The following GRIN2B variants were observed in gnomAD, a reference collection of about 807,000 sequenced individuals.
GRIN2B encodes glutamate ionotropic receptor NMDA type subunit 2B, also known as glutamate receptor ionotropic, NMDA 2B.
In GRIN2B, 5 loss-of-function variants were observed where a neutral mutation model predicts 114.5. The ratio of observed to expected loss-of-function variants is 0.04; its 90% CI spans 0.02 to 0.09. GRIN2B has a LOEUF of 0.09. GRIN2B is among the 10% of genes least tolerant of loss of function. GRIN2B has a pLI of 1.00. For synonymous variants in GRIN2B, 787 were observed against 745.1 expected, an observed-to-expected ratio of 1.06 and a Z score of -0.92; for missense variants, 1,108 against 1,943.5, an observed-to-expected ratio of 0.57 and a Z score of 8.08.
At chr12:13,797,957 T>C (rs927048134) in intron 3 of GRIN2B, among the ~76,000 whole-genome samples, 3 of 152,188 alleles carry the variant, frequency 2.0e-5, no homozygotes, top group African/African-American at 7.2e-5. Context: ...CTATAATCAC[T>C]TGCAGACTTC....
intron 1 of GRIN2B, 114 bp from the exon 2 acceptor site, chr12:13,980,470 C>T (rs1863111577): frequency 6.6e-6 from 1 of 152,096 alleles, no homozygotes; most frequent in East Asian, 1.9e-4. Context: ...GAGGAAACCC[C>T]GCATTTCCCA....
rs1948237641 is a variant in GRIN2B, at chr12:13,538,473, G to A, written c.*24310C>T. ...TCAAAGCTTTCATGATATCCTACTG[G>A]AGGTTCCCACCATAATCCAGATAAA... On this transcript the variant is annotated 3_prime_UTR_variant, in exon 14 of 14. Coordinates refer to ENST00000609686, the MANE Select transcript of GRIN2B (RefSeq NM_000834.5). 6.6e-6 allele frequency: 1 copy of A among 152,080 alleles called. No homozygotes were observed. Among genetic ancestry groups the A allele is most frequent in the African/African-American group, 2.4e-5 (1 of 41,416 alleles). 9.4% of individuals were successfully genotyped at this position (152,080 alleles called of 1,614,324 possible).
intron 5 of GRIN2B, 85 bp from the exon 6 acceptor site, chr12:13,616,742 G>A (rs1949447980): frequency 1.8e-6 from 2 of 1,081,812 alleles, no homozygotes; most frequent in African/African-American, 3.1e-5. Context: ...AACAATCCCA[G>A]GAAGCAGTTG....
intron 3 of GRIN2B, among the ~76,000 whole-genome samples, chr12:13,820,763 T>C (rs1468455646): frequency 6.6e-6 from 1 of 152,298 alleles, no homozygotes; most frequent in East Asian, 1.9e-4. Flanking sequence ...AAGGAAATCC[T>C]TCCTCCTTTT....
intron 3 of GRIN2B, among the ~76,000 whole-genome samples, chr12:13,827,822 C>CTTGG (rs1865074059): frequency 2.0e-5 from 3 of 152,160 alleles, no homozygotes; most frequent in African/African-American, 7.2e-5. Context: ...GCTGGAACTA[C>CTTGG]AGGCGCATGC....
intron 2 of GRIN2B, among the ~76,000 whole-genome samples, chr12:13,917,122 G>A (rs552834692): frequency 6.6e-6 from 1 of 152,180 alleles, no homozygotes; most frequent in African/African-American, 2.4e-5. Flanking sequence ...AGACCTGCCA[G>A]TCCTTCCTGG....
intron 2 of GRIN2B, among the ~76,000 whole-genome samples, chr12:13,926,342 G>A (rs1005746668): frequency 6.6e-6 from 1 of 152,104 alleles, no homozygotes; most frequent in Non-Finnish European, 1.5e-5. Context: ...ATTGAATCTC[G>A]GGGCTATCGA....
chr12:13,646,759 G>T (rs1047205314), intron 5 of GRIN2B, among the ~76,000 whole-genome samples: 1 of 151,808 alleles, frequency 6.6e-6, no homozygotes, highest in African/African-American at 2.4e-5. Flanking sequence ...AAACTCCTGG[G>T]CTCAGACTAT....
intron 5 of GRIN2B, among the ~76,000 whole-genome samples, chr12:13,639,024 A>G (rs1047552959): frequency 6.6e-6 from 1 of 152,156 alleles, no homozygotes; most frequent in African/African-American, 2.4e-5. Flanking sequence ...AGCCCTGAGG[A>G]AGGCCTGCAT....
intron 2 of GRIN2B, among the ~76,000 whole-genome samples, chr12:13,974,467 G>A (rs373399836): frequency 1.3e-5 from 2 of 152,192 alleles, no homozygotes; most frequent in Admixed American, 6.5e-5. Context: ...GCAAATTCCT[G>A]TGTTGTTCTT....
Position 13,753,341 on chromosome 12 carries a change from A to G in GRIN2B, c.986T>C (p.Ile329Thr). 6.2e-7 allele frequency: 1 copy of G among 1,602,006 alleles called. No homozygotes were observed. Among genetic ancestry groups the G allele is most frequent in the Non-Finnish European group, 8.6e-7 (1 of 1,169,004 alleles). Reference sequence around the variant, plus strand: ...CCTATTTAGCATATTGGACTGGTAGATTCTCTTCTCGTGGGTGTTGTAACA... The same window carrying G: ...CCTATTTAGCATATTGGACTGGTAGGTTCTCTTCTCGTGGGTGTTGTAACA... ...SSCYNTHEKR[I>T]YQSNMLNRYL... The change falls in exon 4 of 14, where the codon ATC becomes ACC. Residue 329 changes from isoleucine to threonine, a missense_variant. Around this residue, in one of 19 missense-constraint regions of GRIN2B, gnomAD observed 199 missense variants for 439.6 expected, o/e 0.45. Transcript: ENST00000609686. This position sits in a 1 kb window ranked among gnomAD's most constrained non-coding sequence, Gnocchi z 6.2.
At chr12:13,792,132 A>G (rs949451086) in intron 3 of GRIN2B, among the ~76,000 whole-genome samples, 27 of 152,232 alleles carry the variant, frequency 1.8e-4, no homozygotes, top group Non-Finnish European at 3.4e-4. Context: ...CAGCATCTCA[A>G]GGGCAGCCAC....
rs150956715 is a variant in GRIN2B at position 13,732,032 on chromosome 12, T to C, written c.1010+21285A>G. Among the ~76,000 whole-genome samples, 582 of 152,260 alleles carry C rather than the reference T, an allele frequency of 3.8e-3. 1 individual carries two copies. Among genetic ancestry groups the C allele is most frequent in the Middle Eastern group, 0.01 (3 of 294 alleles). On this transcript the variant is annotated intron_variant, in intron 4 of 13. Coordinates refer to ENST00000609686, the MANE Select transcript of GRIN2B (RefSeq NM_000834.5). ...TTCAAGAACTAACTAGGCTGTTTCA[T>C]AGAGAAAGGATTTAAAACAAAAATA...
At chr12:13,786,553 C>G (rs955163708) in intron 3 of GRIN2B, among the ~76,000 whole-genome samples, 1 of 152,040 alleles carries the variant, frequency 6.6e-6, no homozygotes, top group African/African-American at 2.4e-5. Flanking sequence ...GACACACTTA[C>G]ATACTTAAGA....
chr12:13,634,796 T>C (rs577153851), intron 5 of GRIN2B, among the ~76,000 whole-genome samples: 22 of 152,360 alleles, frequency 1.4e-4, no homozygotes, highest in African/African-American at 5.3e-4. Flanking sequence ...TGTTGTTTCA[T>C]TGTTTCTCAC....
Position 13,866,193 on chromosome 12 carries a change from C to T in GRIN2B, c.16G>A (p.Glu6Lys), listed in dbSNP as rs750494985. ...AACCAGAACTTGGGAGAACAGCACT[C>T]CGCTCTGGGCTTCATCTTCAACTCG... MKPRA[E>K]CCSPKFWLVL... The change falls in exon 3 of 14, where the codon GAG (glutamate) becomes AAG (lysine). Residue 6 changes from glutamate to lysine, a missense_variant. Physicochemically the swap from Glu to Lys is moderately conservative, Grantham distance 56 (BLOSUM62 1). Around this residue, in one of 19 missense-constraint regions of GRIN2B, gnomAD observed 46 missense variants for 44.4 expected, o/e 1.04. Transcript: ENST00000609686. The T allele has an allele frequency of 1.9e-6, 3 of 1,609,556 alleles. No homozygotes were observed. The South Asian group carries it at 3.3e-5, about 18-fold the overall frequency.
chr12:13,735,041 A>ATTT (rs1863155341), intron 4 of GRIN2B, among the ~76,000 whole-genome samples: 1 of 152,206 alleles, frequency 6.6e-6, no homozygotes. Flanking sequence ...TATGAAGGTT[A>ATTT]AGGCCGGATA....
At chr12:13,852,901 CTCAGGCCCTATAT>C (rs892757021) in intron 3 of GRIN2B, among the ~76,000 whole-genome samples, 1 of 152,228 alleles carries the variant, frequency 6.6e-6, no homozygotes, top group African/African-American at 2.4e-5. Flanking sequence ...CTGCCAATAC[CTCAGGCCCTATAT>C]CAGCCAACTC....
chr12:13,974,059 A>C (rs1388688882), intron 2 of GRIN2B, among the ~76,000 whole-genome samples: 2 of 152,166 alleles, frequency 1.3e-5, no homozygotes, highest in African/African-American at 4.8e-5. Context: ...ATCCCTCTTC[A>C]TCCATCACTC....
Sources: gnomAD v4.1 joint callset for allele counts (sites outside exome capture counted in the v4.1 genomes callset) on GRCh38, gnomAD v4.1.1 for gene constraint, gnomAD v4.1.1 regional missense constraint, Gnocchi (gnomAD v3.1) non-coding constraint, MANE v1.5 for transcripts, NCBI Gene and HGNC (gene_info 2026-07-23, HGNC 2026-07-21) for gene names.